The following SHLD1 variants were observed in gnomAD, a reference collection of about 807,000 sequenced individuals.
The protein encoded by SHLD1 is RINN1-REV7-interacting novel NHEJ regulator 3.
In SHLD1, 3 loss-of-function variants were observed where a neutral mutation model predicts 5.5. The ratio of observed to expected loss-of-function variants is 0.54; its 90% CI spans 0.25 to 1.40. The LOEUF is 1.40. Among genes scored for constraint, SHLD1 ranks in the 40% most tolerant of loss-of-function variants. SHLD1 has a pLI of 0.15. For missense variants in SHLD1, 210 were observed against 244.4 expected (o/e 0.86, Z 0.94); for synonymous variants, 92 against 94.3 (o/e 0.98, Z 0.14).
intron 2 of SHLD1, among the ~76,000 whole-genome samples, chr20:5,788,165 G>C (rs6038278): frequency 0.028 from 4,187 of 152,192 alleles, 183 homozygotes; most frequent in African/African-American, 0.095. Flanking sequence ...TAAGAAAACT[G>C]TATTCCATAT....
chr20:5,788,573 G>A (rs76473185), intron 2 of SHLD1, among the ~76,000 whole-genome samples: 101 of 152,308 alleles, frequency 6.6e-4, no homozygotes, highest in African/African-American at 2.4e-3. Flanking sequence ...ACACTTTCCT[G>A]AGCCTTACTG....
intron 2 of SHLD1, among the ~76,000 whole-genome samples, chr20:5,819,581 G>A (rs994381084): frequency 6.6e-6 from 1 of 152,174 alleles, no homozygotes; most frequent in Non-Finnish European, 1.5e-5. Context: ...CAGCACTTTG[G>A]GAGGCTGAGA....
At chr20:5,852,716 C>T (rs2088027911) in intron 2 of SHLD1, among the ~76,000 whole-genome samples, 1 of 152,214 alleles carries the variant, frequency 6.6e-6, no homozygotes, top group African/African-American at 2.4e-5. Context: ...TCCCAAAGTG[C>T]TGGGATTACA....
intron 2 of SHLD1, among the ~76,000 whole-genome samples, chr20:5,792,665 C>T (rs553656874): frequency 1.4e-5 from 2 of 140,000 alleles, no homozygotes; most frequent in Admixed American, 7.4e-5. Flanking sequence ...GGTGATCTGC[C>T]GTTTTCTTTT....
chr20:5,823,958 C>T (rs1469923721), intron 2 of SHLD1, among the ~76,000 whole-genome samples: 2 of 152,180 alleles, frequency 1.3e-5, no homozygotes, highest in African/African-American at 2.4e-5. Context: ...GCAGTAGCCT[C>T]GTACCTGGGC....
chr20:5,786,008 T>A (rs2087055061), intron 2 of SHLD1, among the ~76,000 whole-genome samples: 1 of 152,046 alleles, frequency 6.6e-6, no homozygotes, highest in Non-Finnish European at 1.5e-5. Flanking sequence ...TTGAACTACT[T>A]GTGCACTAAT....
chr20:5,815,465 T>C (rs762927281), intron 2 of SHLD1, among the ~76,000 whole-genome samples: 2 of 152,188 alleles, frequency 1.3e-5, no homozygotes, highest in African/African-American at 2.4e-5. Flanking sequence ...AATAAGACCA[T>C]AGAGCAGGAG....
chr20:5,752,917 AC>A (rs1209670724), intron 1 of SHLD1, among the ~76,000 whole-genome samples: 3 of 152,024 alleles, frequency 2.0e-5, no homozygotes, highest in Non-Finnish European at 4.4e-5. Flanking sequence ...GCCTCAGCCT[AC>A]GGCGTAGCTG....
At chr20:5,811,592 C>T (rs889165724) in intron 2 of SHLD1, among the ~76,000 whole-genome samples, 1 of 152,086 alleles carries the variant, frequency 6.6e-6, no homozygotes, top group Admixed American at 6.6e-5. Flanking sequence ...TGGTGGCTCA[C>T]GCCTGTAAAA....
intron 2 of SHLD1, among the ~76,000 whole-genome samples, chr20:5,820,794 A>G (rs2087597534): frequency 6.6e-6 from 1 of 152,236 alleles, no homozygotes; most frequent in African/African-American, 2.4e-5. Flanking sequence ...GGTTTGATGT[A>G]CAAGCTTTAG....
intron 2 of SHLD1, among the ~76,000 whole-genome samples, chr20:5,836,090 T>C (rs1224052458): frequency 6.6e-6 from 1 of 150,828 alleles, no homozygotes; most frequent in Non-Finnish European, 1.5e-5. Context: ...CCTTGACAAC[T>C]GGTTGTTTTT....
intron 2 of SHLD1, among the ~76,000 whole-genome samples, chr20:5,853,744 C>T (rs2088042731): frequency 6.6e-6 from 1 of 152,094 alleles, no homozygotes; most frequent in Non-Finnish European, 1.5e-5. Flanking sequence ...ACTATGTCCC[C>T]TGCCTCTGTT....
At chr20:5,841,610 C>A (rs1331884886) in intron 2 of SHLD1, among the ~76,000 whole-genome samples, 1 of 152,114 alleles carries the variant, frequency 6.6e-6, no homozygotes, top group African/African-American at 2.4e-5. Flanking sequence ...ACAGAAAATT[C>A]TAAAATGTTA....
chr20:5,795,601 CAAAA>C (rs56723415), intron 2 of SHLD1, among the ~76,000 whole-genome samples: 7 of 67,070 alleles, frequency 1.0e-4, no homozygotes, highest in Admixed American at 3.9e-4. Context: ...TCTGGTCTCG[CAAAA>C]AAAAAAAAAA....
At chr20:5,798,616 T>C (rs564061497) in intron 2 of SHLD1, among the ~76,000 whole-genome samples, 64 of 80,276 alleles carry the variant, frequency 8.0e-4, no homozygotes, top group African/African-American at 2.9e-3. Context: ...ATTTTAGTTT[T>C]CTTTTTTTTT....
At chr20:5,818,664 G>T (rs1477338020) in intron 2 of SHLD1, among the ~76,000 whole-genome samples, 1 of 152,164 alleles carries the variant, frequency 6.6e-6, no homozygotes, top group Admixed American at 6.5e-5. Context: ...CCCAAATGGG[G>T]GCCTGGGTTG....
chr20:5,854,872 C>CTTTTT (rs55776293), intron 2 of SHLD1, among the ~76,000 whole-genome samples: 2 of 130,034 alleles, frequency 1.5e-5, no homozygotes, highest in East Asian at 2.3e-4. Flanking sequence ...CTCTATGACT[C>CTTTTT]TTTTTTTTTT....
At position 5,773,051 on chromosome 20, in the gene SHLD1, G is replaced by A. The variant is rs140454027; in HGVS notation, c.178+8G>A. ...CTTCTGATGTGGATCCAGGTAATAA[G>A]CAGAGTTTAAAACAAACTAACTTAA... On this transcript the variant is annotated splice_region_variant and intron_variant, in intron 2 of 2. Coordinates refer to ENST00000303142, the MANE Select transcript of SHLD1 (RefSeq NM_152504.4). 8.1e-5 allele frequency: 130 copies of A among 1,614,158 alleles called. No homozygotes were observed. Among genetic ancestry groups the A allele is most frequent in the Non-Finnish European group, 1.1e-4 (125 of 1,180,002 alleles).
At chr20:5,857,700 A>G (rs1379837687) in intron 2 of SHLD1, among the ~76,000 whole-genome samples, 2 of 151,676 alleles carry the variant, frequency 1.3e-5, no homozygotes, top group African/African-American at 4.8e-5. Flanking sequence ...AGACCCAGCT[A>G]CTCAGGACTG....
Sources: allele counts gnomAD v4.1 joint callset (sites outside exome capture counted in the v4.1 genomes callset), GRCh38; gene constraint gnomAD v4.1.1; transcripts MANE v1.5; gene names NCBI Gene and HGNC (gene_info 2026-07-23, HGNC 2026-07-21).